DNAH11: variants seen among roughly 807,000 people sequenced by gnomAD.
The protein encoded by DNAH11 is dynein axonemal heavy chain 11.
Under a neutral mutation model 526.0 loss-of-function variants are expected in DNAH11, and 442 were observed. The observed-to-expected ratio is 0.84, with a 90% confidence interval of 0.78 to 0.91. The LOEUF (loss-of-function observed/expected upper bound fraction) is 0.91, where lower values mean the gene tolerates loss of function less well. Among genes scored for constraint, DNAH11 ranks in the 40% least tolerant of loss-of-function variants. The pLI is 0.00. For synonymous variants in DNAH11, 2,461 were observed against 1,935.9 expected (o/e 1.27, Z -7.12); for missense variants, 6,989 against 5,448.7 (o/e 1.28, Z -8.90).
At chr7:21,869,352 A>T (rs1478264175) in intron 73 of DNAH11, among the ~76,000 whole-genome samples, 2 of 104,962 alleles carry the variant, frequency 1.9e-5, no homozygotes, top group Non-Finnish European at 2.7e-5. Flanking sequence ...GTTAGAGTCG[A>T]CAGAACTCTT....
At chr7:21,581,678 A>G (rs961782560) in intron 8 of DNAH11, among the ~76,000 whole-genome samples, 1 of 152,234 alleles carries the variant, frequency 6.6e-6, no homozygotes, top group Admixed American at 6.5e-5. Context: ...TCGGGAAAGC[A>G]TAGGGGAACA....
intron 30 of DNAH11, 29 bp downstream of exon 30, chr7:21,659,060 A>G: frequency 6.7e-7 from 1 of 1,501,170 alleles, no homozygotes; most frequent in Non-Finnish European, 9.0e-7. Context: ...ATTTTGAGAC[A>G]TAAAGGAACT....
At position 21,752,889 on chromosome 7, in the gene DNAH11, T is replaced by C. The variant is rs181644523; in HGVS notation, c.8940+2525T>C. On this transcript the variant is annotated intron_variant, in intron 54 of 81. Coordinates refer to ENST00000409508, the MANE Select transcript of DNAH11 (RefSeq NM_001277115.2). ...CACCACACTTGGCTAATTTTTTGTA[T>C]TTTTAGTAGAGACGGGGTTTCACCA... Among the ~76,000 whole-genome samples, 194 of 152,238 alleles carry C rather than the reference T, an allele frequency of 1.3e-3. 1 individual carries two copies. Among genetic ancestry groups the C allele is most frequent in the African/African-American group, 4.5e-3 (189 of 41,552 alleles).
intron 65 of DNAH11, among the ~76,000 whole-genome samples, chr7:21,829,607 C>T (rs2128007751): frequency 6.6e-6 from 1 of 152,270 alleles, no homozygotes; most frequent in Middle Eastern, 3.4e-3. Context: ...GGTGTTTGTT[C>T]AGGTACTCAG....
intron 44 of DNAH11, among the ~76,000 whole-genome samples, chr7:21,723,354 C>G (rs1583628631): frequency 6.6e-6 from 1 of 152,214 alleles, no homozygotes; most frequent in Admixed American, 6.5e-5. Flanking sequence ...TAACCCATGT[C>G]TAAGCCAGGT....
intron 2 of DNAH11, among the ~76,000 whole-genome samples, chr7:21,546,674 T>C (rs1782816287): frequency 6.6e-6 from 1 of 152,264 alleles, no homozygotes; most frequent in South Asian, 2.1e-4. Context: ...AGCCAAAGTA[T>C]ATAAAATGTC....
intron 64 of DNAH11, 79 bp downstream of exon 64, chr7:21,816,781 C>G: frequency 9.0e-7 from 1 of 1,116,434 alleles, no homozygotes; most frequent in Non-Finnish European, 1.3e-6. Context: ...CGTGATGTTT[C>G]TTAGACCTCT....
Position 21,861,994 on chromosome 7 carries a change from C to T in DNAH11, c.11344C>T (p.Leu3782Phe). 1 of 1,613,188 alleles carries T rather than the reference C, an allele frequency of 6.2e-7. No homozygotes were observed. Among genetic ancestry groups the T allele is most frequent in the Non-Finnish European group, 8.5e-7 (1 of 1,179,534 alleles). ...TSQALFEKDKLTFLSQMAFQI... is the reference protein window; with the variant it reads ...TSQALFEKDKFTFLSQMAFQI... The stretch of plus-strand genomic sequence containing the variant: ...CCAGGCGCTGTTTGAGAAGGACAAG[C>T]TCACCTTCCTGTCCCAGATGGCTTT... The change falls in exon 69 of 82, where the codon CTC becomes TTC. Residue 3782 changes from leucine to phenylalanine, a missense_variant. Coordinates refer to ENST00000409508, the MANE Select transcript of DNAH11 (RefSeq NM_001277115.2).
intron 20 of DNAH11, among the ~76,000 whole-genome samples, chr7:21,608,628 G>T (rs2128449671): frequency 6.6e-6 from 1 of 152,302 alleles, no homozygotes; most frequent in African/African-American, 2.4e-5. Flanking sequence ...AAGGGAGTAG[G>T]TTAGAGTATG....
At chr7:21,783,348 G>T (rs959064874) in intron 57 of DNAH11, among the ~76,000 whole-genome samples, 12 of 152,208 alleles carry the variant, frequency 7.9e-5, no homozygotes, top group African/African-American at 9.7e-5. Context: ...ATCAGGAGAA[G>T]GGTAATTACT....
intron 45 of DNAH11, among the ~76,000 whole-genome samples, chr7:21,731,251 A>T (rs1488649017): frequency 6.6e-6 from 1 of 152,222 alleles, no homozygotes; most frequent in African/African-American, 2.4e-5. Context: ...ATAAATACAT[A>T]CAATTTTGTC....
At chr7:21,793,441 C>T (rs1788561512) in intron 61 of DNAH11, among the ~76,000 whole-genome samples, 1 of 151,852 alleles carries the variant, frequency 6.6e-6, no homozygotes, top group Non-Finnish European at 1.5e-5. Flanking sequence ...CATGGTGAAA[C>T]CCCGTCTGTA....
intron 61 of DNAH11, among the ~76,000 whole-genome samples, chr7:21,798,973 T>A (rs1788841299): frequency 6.6e-6 from 1 of 152,310 alleles, no homozygotes; most frequent in South Asian, 2.1e-4. Flanking sequence ...AAATATTACT[T>A]GATATCATCT....
intron 2 of DNAH11, among the ~76,000 whole-genome samples, chr7:21,546,266 T>C (rs1782801192): frequency 6.6e-6 from 1 of 152,354 alleles, no homozygotes; most frequent in East Asian, 1.9e-4. Context: ...CTCTCACCCC[T>C]AACTCCTGTA....
rs74812557 is a variant in DNAH11, at chr7:21,881,552, C to G, written c.12387+659C>G. ...TGGATTTCAAAAAGCAAGAACCATTCATTCCTAAGGATTTTCTAGCTTAAT... is the reference window on the plus strand; with the variant it reads ...TGGATTTCAAAAAGCAAGAACCATTGATTCCTAAGGATTTTCTAGCTTAAT... On this transcript the variant is annotated intron_variant, in intron 75 of 81. Transcript: ENST00000409508. 2.4e-3 allele frequency among the ~76,000 whole-genome samples: 372 copies of G among 152,316 alleles called. 2 individuals are homozygous for G. The highest frequency in any genetic ancestry group is 8.7e-3 in the African/African-American group (362 of 41,558).
At position 21,728,629 on chromosome 7, in the gene DNAH11, C is replaced by G. The variant is rs534783301; in HGVS notation, c.7440+2645C>G. The stretch of plus-strand genomic sequence containing the variant: ...GTCCCAAATATAATCCAAATATCAT[C>G]TACATGATACATTTCATCTATCAGT... On this transcript the variant is annotated intron_variant, in intron 45 of 81. Transcript: ENST00000409508. 9.2e-5 allele frequency among the ~76,000 whole-genome samples: 14 copies of G among 152,274 alleles called. No individual in the cohort carries two copies. In the South Asian group the frequency reaches 2.9e-3, roughly 32 times the overall value.
rs1053166963 is a variant in DNAH11 at position 21,622,956 on chromosome 7, A to G, written c.4500+2878A>G. Among the ~76,000 whole-genome samples, 8 of 152,320 alleles carry G rather than the reference A, an allele frequency of 5.3e-5. No individual in the cohort carries two copies. In the East Asian group the frequency reaches 1.2e-3, roughly 22 times the overall value. On this transcript the variant is annotated intron_variant, in intron 25 of 81. Coordinates refer to ENST00000409508, the MANE Select transcript of DNAH11 (RefSeq NM_001277115.2). ...CCAAAAGCAATGGCAACAAAAGCCA[A>G]AATTGACAAATGGGATCTAATTAAA...
At chr7:21,826,367 A>G (rs1193177070) in intron 65 of DNAH11, among the ~76,000 whole-genome samples, 3 of 152,210 alleles carry the variant, frequency 2.0e-5, no homozygotes, top group Non-Finnish European at 2.9e-5. Context: ...TTAGATTGGT[A>G]TGAATAGGAA....
intron 73 of DNAH11, among the ~76,000 whole-genome samples, chr7:21,871,313 A>C (rs11976832): frequency 0.14 from 21,537 of 152,202 alleles, 2,786 homozygotes; most frequent in African/African-American, 0.34. Context: ...CAAGACATAT[A>C]GATTGTCTAA....
Sources: allele counts gnomAD v4.1 joint callset (sites outside exome capture counted in the v4.1 genomes callset), GRCh38; gene constraint gnomAD v4.1.1; transcripts MANE v1.5; gene names NCBI Gene and HGNC (gene_info 2026-07-23, HGNC 2026-07-21).